TUBGCP3: variants seen among roughly 807,000 people sequenced by gnomAD.
TUBGCP3 encodes tubulin gamma complex component 3.
Under a neutral mutation model 123.1 loss-of-function variants are expected in TUBGCP3, and 50 were observed. The observed-to-expected ratio is 0.41, with a 90% CI of 0.32 to 0.51. TUBGCP3 has a LOEUF of 0.51. Among genes scored for constraint, TUBGCP3 ranks in the 20% least tolerant of loss-of-function variants. The pLI is 0.36. For missense variants in TUBGCP3, 882 were observed against 1,127.0 expected, an observed-to-expected ratio of 0.78 and a Z score of 3.11; for synonymous variants, 405 against 413.9, an observed-to-expected ratio of 0.98 and a Z score of 0.26.
intron 20 of TUBGCP3, among the ~76,000 whole-genome samples, chr13:112,492,448 G>A (rs907719292): frequency 5.3e-5 from 8 of 152,216 alleles, no homozygotes; most frequent in African/African-American, 1.9e-4. Flanking sequence ...ATCACAAGAT[G>A]AATATGCGCA....
At chr13:112,544,196 G>A (rs1878768510) in intron 11 of TUBGCP3, among the ~76,000 whole-genome samples, 1 of 152,140 alleles carries the variant, frequency 6.6e-6, no homozygotes, top group Non-Finnish European at 1.5e-5. Context: ...GCTCACGCCT[G>A]TAATCCCAGC....
At chr13:112,488,356 A>G (rs984106244) in intron 21 of TUBGCP3, among the ~76,000 whole-genome samples, 1 of 149,390 alleles carries the variant, frequency 6.7e-6, no homozygotes, top group Non-Finnish European at 1.5e-5. Flanking sequence ...CTAAGATCAC[A>G]TTGAGAAATG....
chr13:112,545,839 C>A lies in TUBGCP3; in HGVS notation c.1195G>T (p.Ala399Ser). The A allele has an allele frequency of 6.2e-7, 1 of 1,613,208 alleles. No homozygotes were observed. The highest frequency in any genetic ancestry group is 8.5e-7 in the Non-Finnish European group (1 of 1,179,222). The part of the protein sequence containing the change: ...QGRKGGELAS[A>S]VHAYTKTGDP... ...CCTGTTTTTGTGTAGGCGTGGACAG[C>A]TGAGGCCAGCTCACCTCCTTTCCTT... Residue 399 changes from alanine (A) to serine (S), a missense_variant, in exon 11 of 22, where the codon GCT becomes TCT. Ala to Ser is a moderately conservative substitution (Grantham distance 99). Transcript: ENST00000261965. This position sits in a 1 kb window ranked among gnomAD's most constrained non-coding sequence, Gnocchi z 4.1.
At chr13:112,515,508 C>T (rs953809753) in intron 17 of TUBGCP3, among the ~76,000 whole-genome samples, 1 of 152,136 alleles carries the variant, frequency 6.6e-6, no homozygotes, top group South Asian at 2.1e-4. Context: ...AAAGGAGACC[C>T]GCAGAGCCCC....
intron 17 of TUBGCP3, among the ~76,000 whole-genome samples, chr13:112,507,955 C>T (rs938800646): frequency 1.3e-5 from 2 of 152,112 alleles, no homozygotes; most frequent in Non-Finnish European, 2.9e-5. Context: ...AATAAAAATG[C>T]TACTGAATGG....
At chr13:112,595,737 T>TG in the TUBGCP3 span, among the ~76,000 whole-genome samples, 53,773 of 151,658 alleles carry the variant, frequency 0.35, 10,877 homozygotes, top group African/African-American at 0.56. Flanking sequence ...AGTTGGGCCA[T>TG]TTTTTTTAAT....
chr13:112,563,505 T>A (rs1388670654), intron 3 of TUBGCP3, among the ~76,000 whole-genome samples: 1 of 152,058 alleles, frequency 6.6e-6, no homozygotes, highest in Non-Finnish European at 1.5e-5. Flanking sequence ...AAGACATTGA[T>A]ATTTAGGAAT....
chr13:112,596,372 A>G, the TUBGCP3 span, among the ~76,000 whole-genome samples: 4 of 152,192 alleles, frequency 2.6e-5, no homozygotes, highest in Non-Finnish European at 5.9e-5. Flanking sequence ...CCTGAAGACT[A>G]TTTTCACAAG....
Position 112,499,192 on chromosome 13 carries a change from G to A in TUBGCP3, c.2308-7C>T. 1 of 1,599,328 alleles carries A rather than the reference G, an allele frequency of 6.3e-7. No individual in the cohort carries two copies. The highest frequency in any genetic ancestry group is 8.5e-7 in the Non-Finnish European group (1 of 1,174,534). ...TAAGTTGATTTAAAAGTGCCTGAAAGAGATGACAATGTTTTATGAATAGAG... is the reference window on the plus strand; with the variant it reads ...TAAGTTGATTTAAAAGTGCCTGAAAAAGATGACAATGTTTTATGAATAGAG... On this transcript the variant is annotated splice_polypyrimidine_tract_variant and splice_region_variant and intron_variant, in intron 19 of 21. Coordinates refer to ENST00000261965, the MANE Select transcript of TUBGCP3 (RefSeq NM_006322.6).
chr13:112,578,674 G>A (rs537335727), intron 1 of TUBGCP3, among the ~76,000 whole-genome samples: 55 of 148,990 alleles, frequency 3.7e-4, no homozygotes, highest in African/African-American at 1.2e-3. Flanking sequence ...GCGACCTTTC[G>A]ACCCCCACAT....
chr13:112,517,008 TG>T (rs1876191794), intron 16 of TUBGCP3, among the ~76,000 whole-genome samples: 1 of 152,140 alleles, frequency 6.6e-6, no homozygotes, highest in African/African-American at 2.4e-5. Context: ...ACTTTTATTT[TG>T]TTTTTTTGTT....
At chr13:112,597,856 A>C in the TUBGCP3 span, among the ~76,000 whole-genome samples, 1 of 152,182 alleles carries the variant, frequency 6.6e-6, no homozygotes, top group Non-Finnish European at 1.5e-5. Context: ...GGAATCCAGA[A>C]GGAGGGGAGA....
chr13:112,543,684 T>G (rs183101837), intron 11 of TUBGCP3, among the ~76,000 whole-genome samples: 1 of 152,202 alleles, frequency 6.6e-6, no homozygotes, highest in African/African-American at 2.4e-5. Context: ...GTAAAACTTG[T>G]GTGGAGTCTC....
intron 12 of TUBGCP3, 80 bp from the exon 13 acceptor site, chr13:112,527,130 A>G: frequency 1.6e-6 from 2 of 1,243,834 alleles, no homozygotes; most frequent in Non-Finnish European, 2.3e-6. Context: ...CGTAAGCTAC[A>G]AATTGGCTAT....
Position 112,530,060 on chromosome 13 carries a change from T to C in TUBGCP3, c.1336-2576A>G, listed in dbSNP as rs60703463. 4.0e-3 allele frequency among the ~76,000 whole-genome samples: 616 copies of C among 152,334 alleles called. 2 individuals are homozygous for C. The highest frequency in any genetic ancestry group is 0.014 in the African/African-American group (562 of 41,570). On this transcript the variant is annotated intron_variant, in intron 11 of 21. Transcript: ENST00000261965. ...AGGGTTACTAACACTTTTTAAGACA[T>C]AATTCTCAGGTTGCTTAACGTATTC...
At chr13:112,526,108 A>G (rs1035185181) in intron 13 of TUBGCP3, among the ~76,000 whole-genome samples, 5 of 152,010 alleles carry the variant, frequency 3.3e-5, no homozygotes, top group Non-Finnish European at 7.4e-5. Context: ...ATCCATCACA[A>G]TTATCATTGT....
intron 11 of TUBGCP3, among the ~76,000 whole-genome samples, chr13:112,539,658 C>T (rs372452456): frequency 1.3e-5 from 2 of 152,162 alleles, no homozygotes; most frequent in African/African-American, 2.4e-5. Flanking sequence ...TAGGTACGTG[C>T]ATCAGTAAAT....
chr13:112,560,393 G>C (rs1408227568), intron 3 of TUBGCP3, among the ~76,000 whole-genome samples: 7 of 150,418 alleles, frequency 4.7e-5, no homozygotes, highest in African/African-American at 1.7e-4. Flanking sequence ...TCCCGCCACT[G>C]CACTCCAGCC....
intron 13 of TUBGCP3, among the ~76,000 whole-genome samples, 159 bp downstream of exon 13, chr13:112,526,783 T>C (rs1877160812): frequency 1.3e-5 from 2 of 151,392 alleles, no homozygotes; most frequent in Admixed American, 1.3e-4. Context: ...TCACCACCCA[T>C]CCCCAACATC....
Sources: allele counts gnomAD v4.1 joint callset (sites outside exome capture counted in the v4.1 genomes callset), GRCh38; gene constraint gnomAD v4.1.1; non-coding constraint Gnocchi (gnomAD v3.1); transcripts MANE v1.5; gene names NCBI Gene and HGNC (gene_info 2026-07-23, HGNC 2026-07-21).